QSOX1: variants seen among roughly 807,000 people sequenced by gnomAD.
QSOX1 encodes the protein quiescin sulfhydryl oxidase 1.
A neutral mutation model predicts 76.1 loss-of-function variants in QSOX1; 40 were observed. That is an observed-to-expected ratio of 0.53 (90% CI 0.41 to 0.68). The LOEUF (loss-of-function observed/expected upper bound fraction) is 0.68. QSOX1 is among the 30% of genes least tolerant of loss of function. The pLI is 0.00. For missense variants in QSOX1, 931 were observed against 974.3 expected (o/e 0.96, Z 0.59); for synonymous variants, 392 against 413.1 (o/e 0.95, Z 0.62).
At position 180,198,383 on chromosome 1, in the gene QSOX1, C is replaced by G. The variant is rs751046695; in HGVS notation, c.*1346C>G. The G allele has an allele frequency of 4.4e-6, 2 of 456,720 alleles. No individual in the cohort carries two copies. The highest frequency in any genetic ancestry group is 4.4e-6 in the Non-Finnish European group (1 of 226,962). 28.3% of individuals were successfully genotyped at this position (456,720 alleles called of 1,614,324 possible). On this transcript the variant is annotated 3_prime_UTR_variant, in exon 12 of 12. Transcript: ENST00000367602. ...TGTCAGAGCTGCAGGGTTGGCCACT[C>G]GGTGGGGAGGAGTCAGCCAGGATTA...
rs765577245 is a variant in QSOX1 at position 180,194,284 on chromosome 1, A to G, written c.1360A>G (p.Ser454Gly). The G allele has an allele frequency of 1.2e-5, 20 of 1,612,892 alleles. No homozygotes were observed. Among genetic ancestry groups the G allele is most frequent in the South Asian group, 6.6e-5 (6 of 90,992 alleles). ...CTTCTTCGGCTGCCGAGACTGCGCTAGCCACTTCGAGCAGATGGCTGCTGC... is the reference window on the plus strand; with the variant it reads ...CTTCTTCGGCTGCCGAGACTGCGCTGGCCACTTCGAGCAGATGGCTGCTGC... ...HYFFGCRDCA[S>G]HFEQMAAASM... is the part of the protein sequence containing the mutation. The change falls in exon 11 of 12, where the codon AGC becomes GGC. Residue 454 changes from serine (S) to glycine (G), a missense_variant. Physicochemically the swap from Ser to Gly is moderately conservative, Grantham distance 56. Transcript: ENST00000367602.
At chr1:180,166,317 A>G (rs1242775671) in intron 1 of QSOX1, among the ~76,000 whole-genome samples, 174 bp from the exon 2 acceptor site, 1 of 152,222 alleles carries the variant, frequency 6.6e-6, no homozygotes, top group Non-Finnish European at 1.5e-5. Flanking sequence ...AGAAATGCAG[A>G]CCAACTGGAA....
At chr1:180,190,336 C>T in intron 9 of QSOX1, 97 bp from the exon 10 acceptor site, 1 of 1,369,022 alleles carries the variant, frequency 7.3e-7, no homozygotes, top group South Asian at 1.3e-5. Context: ...ACTGAGGGAC[C>T]TCATTTGTCT....
At position 180,172,433 on chromosome 1, in the gene QSOX1, T is replaced by TC. The variant is rs568503661; in HGVS notation, c.367-2883dup. Among the ~76,000 whole-genome samples the TC allele has an allele frequency of 3.7e-3, 570 of 152,130 alleles. 8 individuals are homozygous for TC. Among genetic ancestry groups the TC allele is most frequent in the African/African-American group, 0.013 (532 of 41,486 alleles). On this transcript the variant is annotated intron_variant, in intron 2 of 11. Transcript: ENST00000367602. ...GGGAGAGGCTCTTGGGGTCCCTGCA[T>TC]CCCCCTGGGCCACTCTGGCTGACCG... is the stretch of plus-strand genomic sequence containing the variant.
chr1:180,175,442 G>A, intron 3 of QSOX1, 76 bp downstream of exon 3: 1 of 1,508,290 alleles, frequency 6.6e-7, no homozygotes, highest in Non-Finnish European at 9.2e-7. Flanking sequence ...TTCTATTGGG[G>A]TGGAGAAAGC....
chr1:180,196,515 G>T lies in QSOX1; in HGVS notation c.1722G>T (p.Arg574=). The change falls in exon 12 of 12, where the codon CGG becomes CGT. Residue 574 remains arginine (R), a synonymous_variant. Transcript: ENST00000367602. This position sits in a 1 kb window ranked among gnomAD's most constrained non-coding sequence, Gnocchi z 4.1. ...TGGGAGCCCTGGAGCTGGAAAGCCG[G>T]AATTCAACTCTGGACCCTGGGAAGC... ...LAMGALELES[R]NSTLDPGKPE... 6.2e-7 allele frequency: 1 copy of T among 1,614,122 alleles called. No homozygotes were observed. Among genetic ancestry groups the T allele is most frequent in the African/African-American group, 1.3e-5 (1 of 75,042 alleles).
At chr1:180,183,894 C>G (rs1013441095) in intron 6 of QSOX1, 22 bp from the exon 7 acceptor site, 2 of 1,607,094 alleles carry the variant, frequency 1.2e-6, no homozygotes, top group African/African-American at 1.3e-5. Context: ...TGCCTCTCCT[C>G]CCTGGTTCTG....
At position 180,154,939 on chromosome 1, in the gene QSOX1, C is replaced by T. The variant is rs2149226823; in HGVS notation, c.32C>T (p.Pro11Leu). 3 of 1,480,254 alleles carry T rather than the reference C, an allele frequency of 2.0e-6. No homozygotes were observed. Among genetic ancestry groups the T allele is most frequent in the Non-Finnish European group, 2.7e-6 (3 of 1,124,288 alleles). 91.7% of individuals were successfully genotyped at this position (1,480,254 alleles called of 1,614,324 possible). The change falls in exon 1 of 12, where the codon CCG becomes CTG. Residue 11 changes from proline to leucine, a missense_variant. Coordinates refer to ENST00000367602, the MANE Select transcript of QSOX1 (RefSeq NM_002826.5). ...AGGTGCAACAGCGGCTCCGGGCCGC[C>T]GCCGTCGCTGCTGCTGCTGCTGCTG... MRRCNSGSGPPPSLLLLLLWL... is the reference protein window; with the variant it reads MRRCNSGSGPLPSLLLLLLWL...
intron 1 of QSOX1, among the ~76,000 whole-genome samples, chr1:180,158,458 C>T (rs970655661): frequency 2.6e-5 from 4 of 152,216 alleles, no homozygotes; most frequent in African/African-American, 9.6e-5. Flanking sequence ...CAAATGACAG[C>T]GTGAGTGTAG....
intron 2 of QSOX1, among the ~76,000 whole-genome samples, chr1:180,170,335 C>T (rs867627462): frequency 2.0e-5 from 3 of 152,178 alleles, no homozygotes; most frequent in Admixed American, 6.5e-5. Context: ...GGATAATCCA[C>T]GGTGTTGGAA....
rs761351363 is a variant in QSOX1 at position 180,183,897 on chromosome 1, T to C, written c.753-19T>C. 1.9e-6 allele frequency: 3 copies of C among 1,608,300 alleles called. No homozygotes were observed. In the South Asian group the frequency reaches 3.3e-5, roughly 18 times the overall value. On this transcript the variant is annotated intron_variant, in intron 6 of 11. Coordinates refer to ENST00000367602, the MANE Select transcript of QSOX1 (RefSeq NM_002826.5). ...CTCTGCACTTACTGCCTCTCCTCCC[T>C]GGTTCTGTGCCCTCACAGGCTCATG...
chr1:180,189,456 C>T, intron 8 of QSOX1, 96 bp from the exon 9 acceptor site: 1 of 690,834 alleles, frequency 1.4e-6, no homozygotes, highest in Non-Finnish European at 2.0e-6. Context: ...GCCCCCCGCC[C>T]CCCGCCTTCT....
In QSOX1 at chr1:180,204,021, A is replaced by G. The variant is rs1307511219; in HGVS notation, c.*6984A>G. The G allele has an allele frequency of 6.6e-6, 1 of 152,220 alleles. No individual in the cohort carries two copies. Among genetic ancestry groups the G allele is most frequent in the Non-Finnish European group, 1.5e-5 (1 of 68,038 alleles). 9.4% of individuals were successfully genotyped at this position (152,220 alleles called of 1,614,324 possible). On this transcript the variant is annotated 3_prime_UTR_variant, in exon 12 of 12. Transcript: ENST00000367602. ...AATCCCTACTGAAAATAAAGGGCCT[A>G]AAGACTGAATGAGAGATGCAATTTT...
chr1:180,158,867 G>C (rs1181723934), intron 1 of QSOX1, among the ~76,000 whole-genome samples: 1 of 152,224 alleles, frequency 6.6e-6, no homozygotes, highest in Non-Finnish European at 1.5e-5. Flanking sequence ...ACGGTTGTCA[G>C]AGCTAGAAGG....
chr1:180,196,523 C>T lies in QSOX1; in HGVS notation c.1730C>T (p.Thr577Ile). ...CTGGAGCTGGAAAGCCGGAATTCAA[C>T]TCTGGACCCTGGGAAGCCTGAGATG... ...GALELESRNS[T>I]LDPGKPEMMK... The change falls in exon 12 of 12, where the codon ACT becomes ATT. Residue 577 changes from threonine (T) to isoleucine (I), a missense_variant. Coordinates refer to ENST00000367602, the MANE Select transcript of QSOX1 (RefSeq NM_002826.5). The surrounding 1 kb of genome is among the most constrained non-coding windows in gnomAD (Gnocchi z 4.1). 1 of 1,614,202 alleles carries T rather than the reference C, an allele frequency of 6.2e-7. No homozygotes were observed. Among genetic ancestry groups the T allele is most frequent in the Non-Finnish European group, 8.5e-7 (1 of 1,180,034 alleles).
chr1:180,159,888 C>CCTGAGA (rs1416177374), intron 1 of QSOX1, among the ~76,000 whole-genome samples: 1 of 152,200 alleles, frequency 6.6e-6, no homozygotes. Context: ...GTCAGGTTCT[C>CCTGAGA]ACCTAGGTGA....
At position 180,201,532 on chromosome 1, in the gene QSOX1, C is replaced by A. The variant is rs1663639067; in HGVS notation, c.*4495C>A. ...TGGGCAGGGCGATAGGATTCCCACC[C>A]CTAGCTTTAAGAACTAAACCAAACT... On this transcript the variant is annotated 3_prime_UTR_variant, in exon 12 of 12. Coordinates refer to ENST00000367602, the MANE Select transcript of QSOX1 (RefSeq NM_002826.5). 6.6e-6 allele frequency: 1 copy of A among 152,316 alleles called. No homozygotes were observed. Among genetic ancestry groups the A allele is most frequent in the African/African-American group, 2.4e-5 (1 of 41,458 alleles). 9.4% of individuals were successfully genotyped at this position (152,316 alleles called of 1,614,324 possible). A position where few individuals can be genotyped will look rare whatever the true frequency, so the allele number is the denominator to read the frequency against.
intron 7 of QSOX1, among the ~76,000 whole-genome samples, chr1:180,185,330 C>G (rs948485408): frequency 5.3e-5 from 8 of 152,228 alleles, no homozygotes; most frequent in African/African-American, 1.9e-4. Context: ...AAACTGAGGT[C>G]AGAACCCAGG....
At chr1:180,188,933 C>T (rs1456581060) in intron 8 of QSOX1, among the ~76,000 whole-genome samples, 2 of 152,242 alleles carry the variant, frequency 1.3e-5, no homozygotes, top group Non-Finnish European at 2.9e-5. Context: ...TTTTAAAGTG[C>T]TGATACTAAT....
Sources: allele counts gnomAD v4.1 joint callset (sites outside exome capture counted in the v4.1 genomes callset), GRCh38; gene constraint gnomAD v4.1.1; non-coding constraint Gnocchi (gnomAD v3.1); transcripts MANE v1.5; gene names NCBI Gene and HGNC (gene_info 2026-07-23, HGNC 2026-07-21).